NTRK2: variants seen among roughly 807,000 people sequenced by gnomAD.
NTRK2 encodes the protein BDNF/NT-3 growth factors receptor.
NTRK2 carries 13 observed loss-of-function variants against 94.5 expected under a neutral mutation model. The ratio of observed to expected loss-of-function variants is 0.14; its 90% CI spans 0.09 to 0.22. The LOEUF (loss-of-function observed/expected upper bound fraction) is 0.22, where lower values mean the gene tolerates loss of function less well. NTRK2 is among the 10% of genes least tolerant of loss of function. The probability of loss-of-function intolerance (pLI) is 1.00; values close to 1 mark genes in which losing one functional copy is unlikely to be tolerated. For synonymous variants in NTRK2, 372 were observed against 407.4 expected, an observed-to-expected ratio of 0.91 and a Z score of 1.05; for missense variants, 639 against 1,071.2, an observed-to-expected ratio of 0.60 and a Z score of 5.63.
At chr9:84,799,968 A>G (rs1213039051) in intron 12 of NTRK2, among the ~76,000 whole-genome samples, 1 of 152,194 alleles carries the variant, frequency 6.6e-6, no homozygotes, top group Non-Finnish European at 1.5e-5. Context: ...TTCTCCCTCA[A>G]GAAATTGACT....
At chr9:85,009,395 A>G (rs1343489118) in intron 17 of NTRK2, among the ~76,000 whole-genome samples, 4 of 152,200 alleles carry the variant, frequency 2.6e-5, no homozygotes, top group African/African-American at 9.6e-5. Flanking sequence ...AGGTTTGAGA[A>G]GCACAGGGCT....
At position 84,745,072 on chromosome 9, in the gene NTRK2, C is replaced by T. The variant is rs200354354; in HGVS notation, c.1295C>T (p.Ser432Leu). Residue 432 changes from serine (S) to leucine (L), a missense_variant and splice_region_variant, in exon 11 of 19, where the codon TCG becomes TTG. Around this residue, in one of 5 missense-constraint regions of NTRK2, gnomAD observed 343 missense variants for 571.5 expected, o/e 0.60. Coordinates refer to ENST00000277120, the MANE Select transcript of NTRK2 (RefSeq NM_006180.6). ...VTDKTGREHL[S>L]VYAVVVIASV... ...GATAAAACCGGTCGGGAACATCTCT[C>T]GGTGAGTGGAATAAATAGGTGTCTG... 4.3e-6 allele frequency: 7 copies of T among 1,609,714 alleles called. No individual in the cohort carries two copies. The highest frequency in any genetic ancestry group is 4.3e-6 in the Non-Finnish European group (5 of 1,176,178).
chr9:85,024,195 T>C lies in NTRK2; in HGVS notation c.*2758T>C, dbSNP rs1422009287. 8.6e-6 allele frequency: 2 copies of C among 232,192 alleles called. No individual in the cohort carries two copies. Among genetic ancestry groups the C allele is most frequent in the Non-Finnish European group, 1.7e-5 (2 of 117,494 alleles). 14.4% of individuals were successfully genotyped at this position (232,192 alleles called of 1,614,324 possible). A position where few individuals can be genotyped will look rare whatever the true frequency, so the allele number is the denominator to read the frequency against. On this transcript the variant is annotated 3_prime_UTR_variant, in exon 19 of 19. Coordinates refer to ENST00000277120, the MANE Select transcript of NTRK2 (RefSeq NM_006180.6). ...CATCTCAAATTGAAAGAATATCAGA[T>C]TGCTTTTAAAGTAGCTGAACGAGCC...
intron 14 of NTRK2, among the ~76,000 whole-genome samples, chr9:84,911,862 T>A (rs2077245350): frequency 6.6e-6 from 1 of 152,110 alleles, no homozygotes; most frequent in African/African-American, 2.4e-5. Flanking sequence ...TCATTTGAAG[T>A]TTTTTCCTCC....
chr9:84,932,018 T>G (rs1404624482), intron 14 of NTRK2, among the ~76,000 whole-genome samples: 1 of 152,316 alleles, frequency 6.6e-6, no homozygotes, highest in East Asian at 1.9e-4. Flanking sequence ...CTTTTGATTT[T>G]TATCACCCTG....
chr9:84,777,688 A>G (rs979784606), intron 12 of NTRK2, among the ~76,000 whole-genome samples: 5 of 152,174 alleles, frequency 3.3e-5, no homozygotes, highest in African/African-American at 1.2e-4. Flanking sequence ...CATTCCCACC[A>G]TGAAGTCAGC....
chr9:84,754,262 C>T (rs1316519913), intron 12 of NTRK2, among the ~76,000 whole-genome samples: 1 of 152,052 alleles, frequency 6.6e-6, no homozygotes, highest in Non-Finnish European at 1.5e-5. Context: ...CTCATTCCTA[C>T]ACACAAATAA....
intron 14 of NTRK2, among the ~76,000 whole-genome samples, chr9:84,890,779 A>G (rs2076572084): frequency 6.6e-6 from 1 of 152,236 alleles, no homozygotes; most frequent in African/African-American, 2.4e-5. Flanking sequence ...ACCCTTGATC[A>G]TATAACAACA....
chr9:84,903,330 T>C (rs954771667), intron 14 of NTRK2, among the ~76,000 whole-genome samples: 1 of 152,150 alleles, frequency 6.6e-6, no homozygotes, highest in African/African-American at 2.4e-5. Flanking sequence ...TGCTGCCGGG[T>C]TGATGTTATG....
At chr9:84,815,600 T>A (rs550030551) in intron 12 of NTRK2, 25 of 1,004,564 alleles carry the variant, frequency 2.5e-5, no homozygotes, top group African/African-American at 1.7e-4. Context: ...ATAATCATTT[T>A]AAAAATTTTT....
At chr9:84,899,337 TAGAC>T (rs1456506799) in intron 14 of NTRK2, among the ~76,000 whole-genome samples, 1 of 152,244 alleles carries the variant, frequency 6.6e-6, no homozygotes, top group Admixed American at 6.5e-5. Flanking sequence ...GGACAAAACA[TAGAC>T]AGGGTGTGTT....
At chr9:84,908,763 T>C (rs1474595408) in intron 14 of NTRK2, among the ~76,000 whole-genome samples, 2 of 152,182 alleles carry the variant, frequency 1.3e-5, no homozygotes, top group African/African-American at 4.8e-5. Flanking sequence ...GAATGGTAGC[T>C]TTTAGTGGCA....
chr9:84,738,941 G>C (rs924630493), intron 9 of NTRK2, among the ~76,000 whole-genome samples: 8 of 152,208 alleles, frequency 5.3e-5, no homozygotes, highest in Non-Finnish European at 1.0e-4. Flanking sequence ...ACAAAGTTTA[G>C]ATATGGCCTA....
intron 14 of NTRK2, among the ~76,000 whole-genome samples, chr9:84,922,059 G>C (rs2077583912): frequency 1.3e-5 from 2 of 152,154 alleles, no homozygotes; most frequent in Admixed American, 1.3e-4. Flanking sequence ...TTGTGTGTGT[G>C]AAGATATGAC....
At chr9:84,885,918 C>T (rs1587824791) in intron 14 of NTRK2, among the ~76,000 whole-genome samples, 4 of 152,120 alleles carry the variant, frequency 2.6e-5, no homozygotes, top group Admixed American at 6.5e-5. Flanking sequence ...GTAATCCCAG[C>T]TACTCAGGAG....
At chr9:84,987,493 C>A (rs1828471369) in intron 17 of NTRK2, among the ~76,000 whole-genome samples, 1 of 152,088 alleles carries the variant, frequency 6.6e-6, no homozygotes. Context: ...TTTTCCTTTT[C>A]TTTATATTTC....
At chr9:84,796,055 A>G (rs2069288214) in intron 12 of NTRK2, among the ~76,000 whole-genome samples, 1 of 152,098 alleles carries the variant, frequency 6.6e-6, no homozygotes, top group Non-Finnish European at 1.5e-5. Context: ...GCCTCCATGA[A>G]TTGTGTCACA....
chr9:84,712,377 A>G lies in NTRK2; in HGVS notation c.583+1586A>G, dbSNP rs189029830. ...CTCATTTTTCCTAAACAGTTTGTCAATTTTCAGTCATTTTTTATTTCTGTT... is the reference window on the plus strand; with the variant it reads ...CTCATTTTTCCTAAACAGTTTGTCAGTTTTCAGTCATTTTTTATTTCTGTT... On this transcript the variant is annotated intron_variant, in intron 6 of 18. Transcript: ENST00000277120. Among the ~76,000 whole-genome samples the G allele has an allele frequency of 6.4e-4, 97 of 151,872 alleles. 2 individuals carry two copies. The highest frequency in any genetic ancestry group is 2.2e-3 in the African/African-American group (92 of 41,378).
rs112415110 is a variant in NTRK2, at chr9:84,820,360, G to A, written c.1397-40680G>A. ...AATTTTTGTATTTGTAAGAGAGATC[G>A]GGTTTCACCATGTTGGCCAGGCTGA... On this transcript the variant is annotated intron_variant, in intron 12 of 18. Transcript: ENST00000277120. Among the ~76,000 whole-genome samples the A allele has an allele frequency of 1.6e-3, 244 of 151,924 alleles. 2 individuals carry two copies. The highest frequency in any genetic ancestry group is 5.6e-3 in the African/African-American group (234 of 41,454).
Sources: gnomAD v4.1 joint callset for allele counts (sites outside exome capture counted in the v4.1 genomes callset) on GRCh38, gnomAD v4.1.1 for gene constraint, gnomAD v4.1.1 regional missense constraint, MANE v1.5 for transcripts, NCBI Gene and HGNC (gene_info 2026-07-23, HGNC 2026-07-21) for gene names.